Variants in TFB1M observed in about 807,000 individuals in gnomAD.
The protein encoded by TFB1M is dimethyladenosine transferase 1, mitochondrial.
A neutral mutation model predicts 31.1 loss-of-function variants in TFB1M; 27 were observed. The observed-to-expected ratio is 0.87, with a 90% CI of 0.64 to 1.20. The LOEUF (loss-of-function observed/expected upper bound fraction) is 1.20. Ranked by LOEUF, TFB1M falls within the 50% of genes most tolerant of loss-of-function variation. TFB1M has a pLI of 0.00. For synonymous variants in TFB1M, 166 were observed against 151.8 expected (o/e 1.09, Z -0.69); for missense variants, 394 against 418.7 (o/e 0.94, Z 0.51).
chr6:155,238,216 G>A, the TFB1M span, among the ~76,000 whole-genome samples: 2 of 152,200 alleles, frequency 1.3e-5, no homozygotes, highest in Non-Finnish European at 2.9e-5. Context: ...AACATAACAA[G>A]GGTCAGCTTT....
chr6:155,231,100 C>A, the TFB1M span, among the ~76,000 whole-genome samples: 1 of 152,186 alleles, frequency 6.6e-6, no homozygotes, highest in East Asian at 1.9e-4. Context: ...CCTTGGCCTC[C>A]CAGAGTGCTG....
the TFB1M span, chr6:155,248,035 G>T: frequency 1.2e-6 from 2 of 1,614,000 alleles, no homozygotes; most frequent in Non-Finnish European, 1.7e-6. Flanking sequence ...TTTTCTGGAC[G>T]CCCGGAACCC....
At chr6:155,265,515 A>T (rs1224493005) in intron 5 of TFB1M, among the ~76,000 whole-genome samples, 4 of 151,590 alleles carry the variant, frequency 2.6e-5, no homozygotes, top group African/African-American at 9.7e-5. Context: ...GAAGAAGAAC[A>T]TTATTTTAGG....
the TFB1M span, among the ~76,000 whole-genome samples, chr6:155,233,581 G>C: frequency 6.6e-6 from 1 of 152,176 alleles, no homozygotes; most frequent in Non-Finnish European, 1.5e-5. Flanking sequence ...TTAGACGTCT[G>C]CCTGAATTCA....
At chr6:155,249,722 T>C in the TFB1M span, 2 of 664,518 alleles carry the variant, frequency 3.0e-6, no homozygotes, top group African/African-American at 3.6e-5. Flanking sequence ...TTATTCTGAA[T>C]GTAATGCTCC....
chr6:155,310,989 C>A, intron 2 of TFB1M, 199 bp downstream of exon 2: 1 of 614,444 alleles, frequency 1.6e-6, no homozygotes, highest in African/African-American at 1.9e-5. Context: ...GTCAATAGAC[C>A]CTCTGAGAGT....
chr6:155,251,080 T>A, the TFB1M span: 1 of 1,459,500 alleles, frequency 6.9e-7, no homozygotes, highest in South Asian at 1.1e-5. Context: ...CGGAAGAACT[T>A]CACTAGCCGC....
intron 4 of TFB1M, among the ~76,000 whole-genome samples, chr6:155,293,881 T>C (rs1777041833): frequency 6.6e-6 from 1 of 152,242 alleles, no homozygotes; most frequent in Non-Finnish European, 1.5e-5. Flanking sequence ...CAACTTTTTT[T>C]TGACTCTATG....
chr6:155,260,919 C>T (rs1784368045), intron 5 of TFB1M: 1 of 184,896 alleles, frequency 5.4e-6, no homozygotes, highest in African/African-American at 2.4e-5. Flanking sequence ...TGAAAAGCCA[C>T]AGAACTTTCT....
the TFB1M span, chr6:155,244,720 C>T: frequency 6.2e-7 from 1 of 1,613,708 alleles, no homozygotes; most frequent in Non-Finnish European, 8.5e-7. Flanking sequence ...TTCTGGAGAC[C>T]CTGGAGGATG....
At chr6:155,247,906 T>C in the TFB1M span, 48 of 1,447,024 alleles carry the variant, frequency 3.3e-5, no homozygotes, top group Non-Finnish European at 4.1e-5. Context: ...AGGAGGACTA[T>C]AGAAATAGAT....
In TFB1M at chr6:155,257,122, TA is replaced by T. The variant is rs747649400; in HGVS notation, c.*713del. On this transcript the variant is annotated 3_prime_UTR_variant, in exon 7 of 7. Coordinates refer to ENST00000367166, the MANE Select transcript of TFB1M (RefSeq NM_016020.4). Reference sequence around the variant, plus strand: ...AACAGAGAGCCACGGAAAATCATAGTATGATTCAATCCAGATATGGGTTAAA... The same window carrying T: ...AACAGAGAGCCACGGAAAATCATAGTTGATTCAATCCAGATATGGGTTAAA... 2 of 1,611,944 alleles carry T rather than the reference TA, an allele frequency of 1.2e-6. No individual in the cohort carries two copies. Among genetic ancestry groups the T allele is most frequent in the Non-Finnish European group, 1.7e-6 (2 of 1,179,850 alleles).
intron 1 of TFB1M, among the ~76,000 whole-genome samples, chr6:155,312,163 C>T (rs911977272): frequency 1.3e-5 from 2 of 152,226 alleles, no homozygotes; most frequent in East Asian, 1.9e-4. Flanking sequence ...TAAAAACATA[C>T]CAGCACTTCT....
In TFB1M at chr6:155,256,391, T is replaced by TATA. The variant is rs1397222122; in HGVS notation, c.*1444_*1445insTAT. On this transcript the variant is annotated 3_prime_UTR_variant, in exon 7 of 7. Coordinates refer to ENST00000367166, the MANE Select transcript of TFB1M (RefSeq NM_016020.4). ...TGAAGTCATATCATAAAATAAAATC[T>TATA]TAATGTTAAATCTTACACAAGCTTT... 1.7e-5 allele frequency: 26 copies of TATA among 1,552,546 alleles called. No homozygotes were observed. In the African/African-American group the frequency reaches 3.0e-4, roughly 18 times the overall value.
rs1361177410 is a variant in TFB1M at position 155,258,093 on chromosome 6, G to A, written c.795-11C>T. The A allele has an allele frequency of 1.9e-6, 3 of 1,608,396 alleles. No homozygotes were observed. Among genetic ancestry groups the A allele is most frequent in the Non-Finnish European group, 2.6e-6 (3 of 1,175,464 alleles). ...TCAGGGAATAACATTCTGAGGGGAAGACAGACAGACAGAAAAATAAGAATT... is the reference window on the plus strand; with the variant it reads ...TCAGGGAATAACATTCTGAGGGGAAAACAGACAGACAGAAAAATAAGAATT... On this transcript the variant is annotated splice_polypyrimidine_tract_variant and intron_variant, in intron 6 of 6. Coordinates refer to ENST00000367166, the MANE Select transcript of TFB1M (RefSeq NM_016020.4).
At chr6:155,272,927 T>C (rs144852046) in intron 5 of TFB1M, among the ~76,000 whole-genome samples, 1 of 152,124 alleles carries the variant, frequency 6.6e-6, no homozygotes, top group African/African-American at 2.4e-5. Flanking sequence ...GGATTATAAT[T>C]GGTAAGCTGA....
chr6:155,266,312 T>TC (rs745633693), intron 5 of TFB1M, among the ~76,000 whole-genome samples: 5 of 152,200 alleles, frequency 3.3e-5, no homozygotes, highest in Non-Finnish European at 7.3e-5. Flanking sequence ...GGCCTGAGCC[T>TC]CTTGGGGCTT....
chr6:155,253,292 A>C, downstream of TFB1M: 1 of 498,674 alleles, frequency 2.0e-6, no homozygotes, highest in South Asian at 3.3e-5. Context: ...TTTCCCTATC[A>C]ATAGTTTTCA....
intron 5 of TFB1M, among the ~76,000 whole-genome samples, chr6:155,266,943 G>A (rs1168510497): frequency 6.6e-6 from 1 of 150,520 alleles, no homozygotes; most frequent in Non-Finnish European, 1.5e-5. Flanking sequence ...TGGGAGAGGG[G>A]AAGAGAACTC....
Sources: allele counts gnomAD v4.1 joint callset (sites outside exome capture counted in the v4.1 genomes callset), GRCh38; gene constraint gnomAD v4.1.1; transcripts MANE v1.5; gene names NCBI Gene and HGNC (gene_info 2026-07-23, HGNC 2026-07-21).